Variants in PCDHA8 observed in about 807,000 individuals in gnomAD.
PCDHA8 encodes protocadherin alpha-8.
PCDHA8 carries 53 observed loss-of-function variants against 61.8 expected under a neutral mutation model. The ratio of observed to expected loss-of-function variants is 0.86; its 90% CI spans 0.69 to 1.08. PCDHA8 has a LOEUF of 1.08. Ranked by LOEUF, PCDHA8 falls within the 50% of genes least tolerant of loss-of-function variation. The pLI, the probability that PCDHA8 is intolerant of heterozygous loss-of-function variation, is 0.00. For missense variants in PCDHA8, 1,293 were observed against 1,245.0 expected (o/e 1.04, Z -0.58); for synonymous variants, 618 against 556.6 (o/e 1.11, Z -1.55).
chr5:140,858,599 T>C (rs2045504873), intron 1 of PCDHA8: 1 of 1,295,538 alleles, frequency 7.7e-7, no homozygotes, highest in Non-Finnish European at 1.1e-6. Flanking sequence ...TCCAGGAGTT[T>C]TAAAATTTTT....
chr5:140,847,832 C>T (rs1426202743), intron 1 of PCDHA8: 2 of 149,636 alleles, frequency 1.3e-5, no homozygotes, highest in Non-Finnish European at 3.0e-5. Context: ...AGAAAACTAC[C>T]TCAGTTGGTT....
intron 1 of PCDHA8, chr5:140,883,107 C>T: frequency 6.2e-7 from 1 of 1,614,064 alleles, no homozygotes. Context: ...ATAGTTTACT[C>T]ATTTAGAAGG....
At chr5:140,937,020 G>A (rs2091265832) in intron 1 of PCDHA8, among the ~76,000 whole-genome samples, 1 of 151,388 alleles carries the variant, frequency 6.6e-6, no homozygotes. Flanking sequence ...CGATTAACAA[G>A]GTATATTCTT....
At chr5:140,883,288 A>G (rs781835023) in intron 1 of PCDHA8, 1 of 1,614,110 alleles carries the variant, frequency 6.2e-7, no homozygotes, top group Non-Finnish European at 8.5e-7. Context: ...TGGTGGAAGT[A>G]CTAGATGTAA....
intron 1 of PCDHA8, chr5:140,850,151 G>A (rs1554143863): frequency 3.1e-6 from 5 of 1,595,466 alleles, no homozygotes; most frequent in Admixed American, 1.7e-5. Flanking sequence ...TGACGCTGCA[G>A]GTGTTCGTGC....
chr5:140,900,416 T>G (rs1303205296), intron 1 of PCDHA8, among the ~76,000 whole-genome samples: 8 of 152,220 alleles, frequency 5.3e-5, no homozygotes, highest in Admixed American at 5.2e-4. Flanking sequence ...TAGCTGGGAT[T>G]ATAGGCACGT....
intron 1 of PCDHA8, among the ~76,000 whole-genome samples, chr5:140,963,204 AAACCTCGTGTT>A (rs2095746581): frequency 6.6e-6 from 1 of 152,104 alleles, no homozygotes; most frequent in South Asian, 2.1e-4. Context: ...ATGAAAAAAA[AAACCTCGTGTT>A]TAGAGTAGAC....
rs199785183 is a variant in PCDHA8 at position 140,850,432 on chromosome 5, G to T, written c.2394+6717G>T. On this transcript the variant is annotated intron_variant, in intron 1 of 3. Transcript: ENST00000531613. ...GACGAAACGGACGCACCGCGCCAGC[G>T]CCTACTGGTGCTGGTGAAAGACCAC... 1.6e-4 allele frequency: 251 copies of T among 1,597,712 alleles called. 21 individuals carry two copies. The highest frequency in any genetic ancestry group is 3.2e-4 in the Admixed American group (19 of 59,266).
At chr5:140,857,985 T>C (rs1554150982) in intron 1 of PCDHA8, 4 of 1,596,676 alleles carry the variant, frequency 2.5e-6, no homozygotes, top group South Asian at 2.2e-5. Flanking sequence ...CGCCAGCGCC[T>C]ACTGGTGCTG....
intron 1 of PCDHA8, chr5:140,930,415 G>T (rs2086824319): frequency 6.6e-6 from 1 of 151,804 alleles, no homozygotes; most frequent in African/African-American, 2.4e-5. Flanking sequence ...TGAGACAGGG[G>T]TCTCACTATG....
chr5:140,989,939 C>T (rs533490284), intron 3 of PCDHA8, among the ~76,000 whole-genome samples: 2 of 152,004 alleles, frequency 1.3e-5, no homozygotes, highest in South Asian at 2.1e-4. Flanking sequence ...TGACATTCCA[C>T]GTTTTTCTCG....
intron 1 of PCDHA8, chr5:140,856,554 A>G: frequency 1.3e-6 from 2 of 1,598,244 alleles, no homozygotes; most frequent in Non-Finnish European, 1.7e-6. Context: ...TTGCTTACTT[A>G]CAAACTCAGT....
At chr5:140,940,258 C>A (rs2092581637) in intron 1 of PCDHA8, among the ~76,000 whole-genome samples, 1 of 152,130 alleles carries the variant, frequency 6.6e-6, no homozygotes, top group South Asian at 2.1e-4. Flanking sequence ...TCAATATCTT[C>A]TGGGTTCCAC....
At chr5:140,877,633 C>A (rs1366996546) in intron 1 of PCDHA8, 7 of 1,613,622 alleles carry the variant, frequency 4.3e-6, no homozygotes, top group Non-Finnish European at 5.1e-6. Context: ...GTACACTGCG[C>A]TGCGTTGCTC....
chr5:141,007,671 A>G (rs1161141271), intron 3 of PCDHA8, among the ~76,000 whole-genome samples: 1 of 152,184 alleles, frequency 6.6e-6, no homozygotes, highest in African/African-American at 2.4e-5. Context: ...TTACAAAGAC[A>G]AAAGTTATCC....
At chr5:141,009,262 C>T (rs2098403740) in intron 3 of PCDHA8, among the ~76,000 whole-genome samples, 2 of 152,112 alleles carry the variant, frequency 1.3e-5, no homozygotes, top group Non-Finnish European at 2.9e-5. Flanking sequence ...TGAGACCAGC[C>T]TGGGCAACAT....
chr5:140,993,530 AG>A (rs2097570679), intron 3 of PCDHA8, among the ~76,000 whole-genome samples: 7 of 152,044 alleles, frequency 4.6e-5, no homozygotes, highest in African/African-American at 1.7e-4. Context: ...AGACAGAGAG[AG>A]AGAGAGATAG....
rs921095598 is a variant in PCDHA8 at position 140,929,476 on chromosome 5, T to C, written c.2395-49473T>C. 1.0e-5 allele frequency: 13 copies of C among 1,254,174 alleles called. No individual in the cohort carries two copies. In the African/African-American group the frequency reaches 2.0e-4, roughly 19 times the overall value. 77.7% of individuals were successfully genotyped at this position (1,254,174 alleles called of 1,614,324 possible). On this transcript the variant is annotated intron_variant, in intron 1 of 3. Coordinates refer to ENST00000531613, the MANE Select transcript of PCDHA8 (RefSeq NM_018911.3). ...CTTCCTGTGCCAAGAAATCTGGAAG[T>C]ATAGAAGTATTAGAAGATTGCCCTA...
At chr5:140,855,023 G>T (rs115040572) in intron 1 of PCDHA8, among the ~76,000 whole-genome samples, 1 of 149,492 alleles carries the variant, frequency 6.7e-6, no homozygotes, top group African/African-American at 2.4e-5. Context: ...GAAACTTCTT[G>T]TATAAAGGAT....
Sources: allele counts gnomAD v4.1 joint callset (sites outside exome capture counted in the v4.1 genomes callset), GRCh38; gene constraint gnomAD v4.1.1; transcripts MANE v1.5; gene names NCBI Gene and HGNC (gene_info 2026-07-23, HGNC 2026-07-21).